The following LLGL1 variants were observed in gnomAD, a reference collection of about 807,000 sequenced individuals.
LLGL1 encodes LLGL scribble cell polarity complex component 1.
LLGL1 carries 58 observed loss-of-function variants against 110.6 expected under a neutral mutation model. That is an observed-to-expected ratio of 0.52 (90% confidence interval 0.42 to 0.65). The LOEUF is 0.65. LLGL1 is among the 30% of genes least tolerant of loss of function. The pLI is 0.00. For synonymous variants in LLGL1, 674 were observed against 607.2 expected (o/e 1.11, Z -1.62); for missense variants, 1,229 against 1,462.1 (o/e 0.84, Z 2.60).
intron 11 of LLGL1, chr17:18,236,062 C>T (rs2047687028): frequency 1.1e-5 from 2 of 180,764 alleles, no homozygotes; most frequent in African/African-American, 2.4e-5. Context: ...TCTGGGCTTT[C>T]ACCACCGCCT....
Position 18,242,520 on chromosome 17 carries a change from C to T in LLGL1, c.3008C>T (p.Pro1003Leu). The T allele has an allele frequency of 1.2e-6, 2 of 1,614,050 alleles. No homozygotes were observed. Among genetic ancestry groups the T allele is most frequent in the Non-Finnish European group, 1.7e-6 (2 of 1,179,968 alleles). The change falls in exon 21 of 23, where the codon CCA becomes CTA. Residue 1003 changes from proline to leucine, a missense_variant. Pro to Leu is a moderately conservative substitution (Grantham distance 98). Coordinates refer to ENST00000316843, the MANE Select transcript of LLGL1 (RefSeq NM_004140.4). ...AHSMGPDTPE[P>L]PEAALSPMSI... is the part of the protein sequence containing the mutation. Reference sequence around the variant, plus strand: ...TTGCTCCCTGTAGACACCCCGGAGCCACCCGAGGCTGCACTCTCACCCATG... The same window carrying T: ...TTGCTCCCTGTAGACACCCCGGAGCTACCCGAGGCTGCACTCTCACCCATG...
intron 21 of LLGL1, 21 bp downstream of exon 21, chr17:18,242,649 C>T (rs1270163266): frequency 1.3e-6 from 2 of 1,593,922 alleles, no homozygotes; most frequent in Non-Finnish European, 1.7e-6. Context: ...TGGGCAGGTC[C>T]ACAGGGGGGG....
In LLGL1 at chr17:18,233,857, A is replaced by G. The variant is rs1413085163; in HGVS notation, c.472A>G (p.Ser158Gly). 1.9e-6 allele frequency: 3 copies of G among 1,613,848 alleles called. No individual in the cohort carries two copies. Among genetic ancestry groups the G allele is most frequent in the Non-Finnish European group, 1.7e-6 (2 of 1,179,962 alleles). ...CATAGCAGCCCTGGGCACTGAGGGC[A>G]GCAGTGTCTTCTTCCTGGATGTTAC... is the stretch of plus-strand genomic sequence containing the variant. The part of the protein sequence containing the change: ...SDIAALGTEG[S>G]SVFFLDVTTL... The change falls in exon 5 of 23, where the codon AGC becomes GGC. Residue 158 changes from serine (S) to glycine (G), a missense_variant. Coordinates refer to ENST00000316843, the MANE Select transcript of LLGL1 (RefSeq NM_004140.4).
intron 11 of LLGL1, 122 bp from the exon 12 acceptor site, chr17:18,236,476 TAAAAGTAGG>T: frequency 1.1e-6 from 1 of 900,692 alleles, no homozygotes; most frequent in Admixed American, 2.3e-5. Flanking sequence ...TTGTTTTTTG[TAAAAGTAGG>T]ATTCCGGTCA....
intron 1 of LLGL1, among the ~76,000 whole-genome samples, chr17:18,227,114 T>C (rs1431061734): frequency 1.3e-5 from 2 of 152,146 alleles, no homozygotes; most frequent in African/African-American, 4.8e-5. Context: ...GACACTTGTC[T>C]TGGAGGAGGC....
chr17:18,233,204 GCC>G (rs2047607168), intron 4 of LLGL1, among the ~76,000 whole-genome samples: 1 of 152,140 alleles, frequency 6.6e-6, no homozygotes, highest in Admixed American at 6.5e-5. Flanking sequence ...TGGGAGACAG[GCC>G]TTTCTGTGCA....
Position 18,238,619 on chromosome 17 carries a change from G to A in LLGL1, c.2206+10G>A. 1 of 1,606,462 alleles carries A rather than the reference G, an allele frequency of 6.2e-7. No individual in the cohort carries two copies. Among genetic ancestry groups the A allele is most frequent in the South Asian group, 1.1e-5 (1 of 90,606 alleles). ...ACATTCCTTCGAGATGGTAAGGCAG[G>A]GGCAGGGGCAGGGACAGGGCAAGGG... On this transcript the variant is annotated intron_variant, in intron 16 of 22. Transcript: ENST00000316843.
chr17:18,233,061 C>A (rs936080214), intron 4 of LLGL1, among the ~76,000 whole-genome samples: 5 of 152,200 alleles, frequency 3.3e-5, no homozygotes, highest in Non-Finnish European at 7.3e-5. Context: ...GAGGTACATG[C>A]ATTATATGCC....
At chr17:18,228,964 G>A (rs112019520) in intron 1 of LLGL1, among the ~76,000 whole-genome samples, 8 of 152,144 alleles carry the variant, frequency 5.3e-5, no homozygotes, top group East Asian at 3.8e-4. Flanking sequence ...AGGGAGGTTC[G>A]CGTTACAGGC....
chr17:18,240,715 G>A lies in LLGL1; in HGVS notation c.2344G>A (p.Val782Met). Residue 782 changes from valine to methionine, a missense_variant, in exon 17 of 23, where the codon GTG becomes ATG. Transcript: ENST00000316843. This position sits in a 1 kb window ranked among gnomAD's most constrained non-coding sequence, Gnocchi z 5.3. ...GGTGGAGGCCGTGCTGGGCAAGGAG[G>A]TGCAGCTGATGCACCGGGCGCCTGT... ...QAVEAVLGKE[V>M]QLMHRAPVVA... 9 of 1,612,972 alleles carry A rather than the reference G, an allele frequency of 5.6e-6. No homozygotes were observed. Among genetic ancestry groups the A allele is most frequent in the Non-Finnish European group, 7.6e-6 (9 of 1,179,762 alleles).
chr17:18,242,952 C>T (rs2047880317), intron 22 of LLGL1, 130 bp downstream of exon 22: 1 of 840,510 alleles, frequency 1.2e-6, no homozygotes, highest in Non-Finnish European at 1.8e-6. Flanking sequence ...CTCTCTGAAA[C>T]CTGGCTGCCT....
At chr17:18,226,830 T>C (rs2605134) in intron 1 of LLGL1, among the ~76,000 whole-genome samples, 57,481 of 152,112 alleles carry the variant, frequency 0.38, 11,391 homozygotes, top group East Asian at 0.6. Context: ...TCTGGGGACG[T>C]TGGTTTTGTC....
At position 18,240,327 on chromosome 17, in the gene LLGL1, G is replaced by C. The variant is rs773108580; in HGVS notation, c.2207-251G>C. The stretch of plus-strand genomic sequence containing the variant: ...CTGTGCAGATGCGCTACAGCTGTTC[G>C]GGCCTCTGCAGGAGGGCTGCATCCT... On this transcript the variant is annotated intron_variant, in intron 16 of 22. Transcript: ENST00000316843. The surrounding 1 kb of genome is among the most constrained non-coding windows in gnomAD (Gnocchi z 5.3). Among the ~76,000 whole-genome samples, 1 of 152,118 alleles carries C rather than the reference G, an allele frequency of 6.6e-6. No individual in the cohort carries two copies. Among genetic ancestry groups the C allele is most frequent in the African/African-American group, 2.4e-5 (1 of 41,394 alleles).
chr17:18,243,696 C>T (rs1422577857), intron 22 of LLGL1, among the ~76,000 whole-genome samples: 1 of 152,214 alleles, frequency 6.6e-6, no homozygotes, highest in East Asian at 1.9e-4. Flanking sequence ...TTGTCTGGTG[C>T]CTCTCCCTGG....
rs925545101 is a variant in LLGL1 at position 18,237,166 on chromosome 17, A to G, written c.1611+227A>G. 3.3e-5 allele frequency: 20 copies of G among 597,650 alleles called. 1 individual carries two copies. Among genetic ancestry groups the G allele is most frequent in the Middle Eastern group, 8.8e-4 (2 of 2,280 alleles). The allele number at this position is 597,650 out of a possible 1,614,324, so 37.0% of individuals were successfully genotyped here. ...ACTCATGTCAGTGCTGTGCTCCGGC[A>G]CTCACATGACATACAGGAGGTGCTC... On this transcript the variant is annotated intron_variant, in intron 13 of 22. Transcript: ENST00000316843.
chr17:18,238,793 C>A (rs1398333673), intron 16 of LLGL1, among the ~76,000 whole-genome samples, 184 bp downstream of exon 16: 1 of 152,062 alleles, frequency 6.6e-6, no homozygotes, highest in Non-Finnish European at 1.5e-5. Context: ...GGCGGATCAC[C>A]TGAGGTCAGG....
chr17:18,236,604 C>T lies in LLGL1; in HGVS notation c.1353-3C>T. On this transcript the variant is annotated splice_polypyrimidine_tract_variant and splice_region_variant and intron_variant, in intron 11 of 22. Coordinates refer to ENST00000316843, the MANE Select transcript of LLGL1 (RefSeq NM_004140.4). ...GTAGCCCTGACATCTGCCCTCCCTG[C>T]AGCCATGAGGACGGCACCGTGAGGT... The T allele has an allele frequency of 6.2e-7, 1 of 1,607,004 alleles. No individual in the cohort carries two copies.
chr17:18,241,627 T>C lies in LLGL1; in HGVS notation c.2679T>C (p.Pro893=). The part of the protein sequence containing the change: ...NLGDVHVFSV[P]GLRPQVHYSC... ...GTGACGTCCACGTCTTCTCGGTGCC[T>C]GGCCTGCGGCCCCAGGTGCACTATT... The change falls in exon 18 of 23, where the codon CCT becomes CCC. Residue 893 remains proline, a synonymous_variant. Transcript: ENST00000316843. 1 of 1,613,662 alleles carries C rather than the reference T, an allele frequency of 6.2e-7. No individual in the cohort carries two copies. Among genetic ancestry groups the C allele is most frequent in the South Asian group, 1.1e-5 (1 of 91,084 alleles).
In LLGL1 at chr17:18,240,577, GGGGCCCACCAC is replaced by G. The variant is rs776225917; in HGVS notation, c.2217_2227del (p.Gly740ValfsTer24). The G allele has an allele frequency of 2.5e-6, 4 of 1,588,356 alleles. No individual in the cohort carries two copies. Among genetic ancestry groups the G allele is most frequent in the Admixed American group, 1.7e-5 (1 of 58,882 alleles). ...CCCTCCTACGCGCTTGTTTTCTGCA[GGGGCCCACCAC>G]GGGCCCACCATGTGGGCTGGCACCA... On this transcript the variant is annotated frameshift_variant and splice_region_variant, in exon 17 of 23. Transcript: ENST00000316843. LOFTEE classifies it high-confidence loss of function. This position sits in a 1 kb window ranked among gnomAD's most constrained non-coding sequence, Gnocchi z 5.3.
Sources: gnomAD v4.1 joint callset for allele counts (sites outside exome capture counted in the v4.1 genomes callset) on GRCh38, gnomAD v4.1.1 for gene constraint, Gnocchi (gnomAD v3.1) non-coding constraint, MANE v1.5 for transcripts, NCBI Gene and HGNC (gene_info 2026-07-23, HGNC 2026-07-21) for gene names.